The following PDS5A variants were observed in gnomAD, a reference collection of about 807,000 sequenced individuals.
PDS5A encodes PDS5 cohesin associated factor A, also known as sister chromatid cohesion protein PDS5 homolog A.
PDS5A carries 42 observed loss-of-function variants against 167.1 expected under a neutral mutation model. That is an observed-to-expected ratio of 0.25 (90% CI 0.20 to 0.33). The LOEUF is 0.33. PDS5A is among the 10% of genes least tolerant of loss of function. PDS5A has a pLI of 1.00. For synonymous variants in PDS5A, 553 were observed against 554.6 expected (o/e 1.00, Z 0.04); for missense variants, 1,033 against 1,605.9 (o/e 0.64, Z 6.10).
chr4:39,887,879 TAACAA>T (rs71645196), intron 17 of PDS5A, among the ~76,000 whole-genome samples: 103,064 of 150,590 alleles, frequency 0.68, 37,237 homozygotes, highest in Middle Eastern at 0.85. Context: ...AATAGCAAAA[TAACAA>T]AACAAAACAA....
At chr4:39,905,717 T>C (rs1205058184) in intron 11 of PDS5A, among the ~76,000 whole-genome samples, 2 of 151,646 alleles carry the variant, frequency 1.3e-5, no homozygotes, top group African/African-American at 4.8e-5. Context: ...AAAAGACACT[T>C]CCAAACATTC....
intron 2 of PDS5A, among the ~76,000 whole-genome samples, chr4:39,930,246 A>AAAAAATTTT: frequency 1.1e-5 from 1 of 93,090 alleles, no homozygotes; most frequent in Non-Finnish European, 2.2e-5. Flanking sequence ...AAAAAAAAAA[A>AAAAAATTTT]GTTTTTTTGT....
chr4:39,904,077 G>C lies in PDS5A; in HGVS notation c.1348C>G (p.Leu450Val). 1 of 1,611,694 alleles carries C rather than the reference G, an allele frequency of 6.2e-7. No homozygotes were observed. Among genetic ancestry groups the C allele is most frequent in the Non-Finnish European group, 8.5e-7 (1 of 1,178,466 alleles). The change falls in exon 12 of 33, where the codon CTT becomes GTT. Residue 450 changes from leucine (L) to valine (V), a missense_variant. Leu to Val is a conservative substitution (Grantham distance 32). This residue lies in a region of PDS5A where 388 missense variants were observed against 615.1 expected (regional missense o/e 0.63). Transcript: ENST00000303538. ...AEKVSWIKDK[L>V]LHIYYQNSID... is the part of the protein sequence containing the mutation. ...CTGTTCTGATAATAAATATGCAGAA[G>C]TTTGTCCTTTATCCAGCTGACTTTC...
intron 9 of PDS5A, among the ~76,000 whole-genome samples, chr4:39,912,655 C>T (rs901506968): frequency 6.6e-5 from 10 of 152,100 alleles, no homozygotes; most frequent in Admixed American, 2.0e-4. Context: ...ACTAAAACAA[C>T]GGAGAATCTC....
At chr4:39,867,768 A>G in intron 22 of PDS5A, among the ~76,000 whole-genome samples, 1 of 121,846 alleles carries the variant, frequency 8.2e-6, no homozygotes, top group African/African-American at 3.1e-5. Context: ...ACACACACAC[A>G]CACACACCCC....
chr4:39,851,698 CAAAAT>C (rs1265958624), intron 26 of PDS5A, among the ~76,000 whole-genome samples: 1 of 152,062 alleles, frequency 6.6e-6, no homozygotes, highest in Non-Finnish European at 1.5e-5. Context: ...CAAAAATACA[CAAAAT>C]AAATATAATA....
chr4:39,851,978 A>C (rs1290345579), intron 26 of PDS5A, among the ~76,000 whole-genome samples: 1 of 152,198 alleles, frequency 6.6e-6, no homozygotes, highest in Non-Finnish European at 1.5e-5. Context: ...GTAACAAAAA[A>C]ATCTTGCAAT....
At chr4:39,874,548 A>C (rs1254071697) in intron 19 of PDS5A, 136 bp from the exon 20 acceptor site, 2 of 665,526 alleles carry the variant, frequency 3.0e-6, no homozygotes, top group Non-Finnish European at 4.9e-6. Context: ...GATCTAAAGA[A>C]AGTTGTAAAA....
intron 8 of PDS5A, among the ~76,000 whole-genome samples, chr4:39,915,846 A>G (rs1258146074): frequency 6.6e-6 from 1 of 152,224 alleles, no homozygotes; most frequent in Non-Finnish European, 1.5e-5. Context: ...GTTTTAGTAA[A>G]TCAGTGATTA....
In PDS5A at chr4:39,902,373, A is replaced by G; in HGVS notation, c.1473T>C (p.Tyr491=). The G allele has an allele frequency of 2.6e-6, 4 of 1,549,990 alleles. No individual in the cohort carries two copies. The highest frequency in any genetic ancestry group is 1.1e-5 in the South Asian group (1 of 86,998). ...TTACAGCATTTGGATCCAAACTAGC[A>G]TATAAGTAATATAAGCATTTCATTC... ...EERMKCLYYL[Y]ASLDPNAVKA... is the part of the protein sequence containing the mutation. The change falls in exon 13 of 33, where the codon TAT becomes TAC. Residue 491 remains tyrosine, a synonymous_variant. Transcript: ENST00000303538.
intron 2 of PDS5A, among the ~76,000 whole-genome samples, chr4:39,963,789 T>C (rs1729720873): frequency 6.6e-6 from 1 of 151,136 alleles, no homozygotes. Context: ...TGAGCCGTGA[T>C]CACACCACTG....
At chr4:39,890,848 C>T (rs1344895668) in intron 16 of PDS5A, among the ~76,000 whole-genome samples, 1 of 151,998 alleles carries the variant, frequency 6.6e-6, no homozygotes, top group Non-Finnish European at 1.5e-5. Flanking sequence ...AACTCCTGAC[C>T]TCAAGTGATC....
intron 26 of PDS5A, among the ~76,000 whole-genome samples, chr4:39,861,650 G>A (rs1419319164): frequency 6.6e-6 from 1 of 152,190 alleles, no homozygotes; most frequent in Non-Finnish European, 1.5e-5. Flanking sequence ...CTGGCATGCA[G>A]TGGCTTAATC....
At position 39,925,895 on chromosome 4, in the gene PDS5A, T is replaced by G. The variant is rs1363920624; in HGVS notation, c.468A>C (p.Glu156Asp). 1 of 1,513,874 alleles carries G rather than the reference T, an allele frequency of 6.6e-7. No individual in the cohort carries two copies. The highest frequency in any genetic ancestry group is 1.4e-5 in the African/African-American group (1 of 72,418). 93.8% of individuals were successfully genotyped at this position (1,513,874 alleles called of 1,614,324 possible). Residue 156 changes from glutamate to aspartate, a missense_variant, in exon 5 of 33, where the codon GAA (glutamate) becomes GAC (aspartate). Physicochemically the swap from Glu to Asp is conservative, Grantham distance 45. Around this residue, in one of 4 missense-constraint regions of PDS5A, gnomAD observed 388 missense variants for 615.1 expected, o/e 0.63. Transcript: ENST00000303538. ...AWVKSYNICF[E>D]LEDCNEIFIQ... ...TAAAAATTTCATTGCAATCTTCCAA[T>G]TCAAAGCAGATGTTATATGATTTAA...
At chr4:39,906,375 A>C (rs1182647154) in intron 11 of PDS5A, among the ~76,000 whole-genome samples, 3 of 152,086 alleles carry the variant, frequency 2.0e-5, no homozygotes, top group Admixed American at 6.5e-5. Context: ...CTCAAACAAA[A>C]AAAAAAAACC....
At chr4:39,899,236 T>C (rs148193992) in intron 14 of PDS5A, among the ~76,000 whole-genome samples, 6 of 152,178 alleles carry the variant, frequency 3.9e-5, no homozygotes, top group African/African-American at 1.4e-4. Context: ...TGCAATAGAG[T>C]TCTGTTAGCT....
chr4:39,895,475 C>T (rs1485317657), intron 16 of PDS5A, among the ~76,000 whole-genome samples: 2 of 151,966 alleles, frequency 1.3e-5, no homozygotes, highest in African/African-American at 4.8e-5. Context: ...AAAAACAGTA[C>T]ACCTACATAT....
chr4:39,888,265 A>AG (rs1256125914), intron 17 of PDS5A, among the ~76,000 whole-genome samples: 2 of 146,294 alleles, frequency 1.4e-5, no homozygotes, highest in Non-Finnish European at 3.0e-5. Flanking sequence ...AAAAAAAAAA[A>AG]GGGCTTTTTA....
At position 39,824,430 on chromosome 4, in the gene PDS5A, AAC is replaced by A. The variant is rs1472745416; in HGVS notation, c.*1053_*1054del. The A allele has an allele frequency of 2.6e-5, 4 of 152,328 alleles. No individual in the cohort carries two copies. The highest frequency in any genetic ancestry group is 4.8e-5 in the African/African-American group (2 of 41,454). 9.4% of individuals were successfully genotyped at this position (152,328 alleles called of 1,614,324 possible). On this transcript the variant is annotated 3_prime_UTR_variant, in exon 33 of 33. Transcript: ENST00000303538. The stretch of plus-strand genomic sequence containing the variant: ...GCCAAGAAACATAATATATTGATGC[AAC>A]AGTTTTCTAAAATAAACATAAAAAT...
Sources: allele counts gnomAD v4.1 joint callset (sites outside exome capture counted in the v4.1 genomes callset), GRCh38; gene constraint gnomAD v4.1.1; regional missense constraint gnomAD v4.1.1; transcripts MANE v1.5; gene names NCBI Gene and HGNC (gene_info 2026-07-23, HGNC 2026-07-21).